Variants in TANC1 observed in about 807,000 individuals in gnomAD.
TANC1 encodes the protein protein TANC1.
A neutral mutation model predicts 149.7 loss-of-function variants in TANC1; 77 were observed. The ratio of observed to expected loss-of-function variants is 0.51; its 90% confidence interval spans 0.43 to 0.62. The LOEUF (loss-of-function observed/expected upper bound fraction) is 0.62, where lower values mean the gene tolerates loss of function less well. Ranked by LOEUF, TANC1 falls within the 20% of genes least tolerant of loss-of-function variation. The pLI, the probability that TANC1 is intolerant of heterozygous loss-of-function variation, is 0.00. For synonymous variants in TANC1, 854 were observed against 925.0 expected, an observed-to-expected ratio of 0.92 and a Z score of 1.39; for missense variants, 1,985 against 2,321.8, an observed-to-expected ratio of 0.85 and a Z score of 2.98.
At chr2:159,015,609 G>C (rs904412190) in intron 2 of TANC1, among the ~76,000 whole-genome samples, 1 of 152,168 alleles carries the variant, frequency 6.6e-6, no homozygotes. Flanking sequence ...TCTGAACTTA[G>C]ATGCTCTGCT....
In TANC1 at chr2:159,230,560, G is replaced by A. The variant is rs767158516; in HGVS notation, c.5134G>A (p.Gly1712Ser). 47 of 1,614,078 alleles carry A rather than the reference G, an allele frequency of 2.9e-5. No individual in the cohort carries two copies. The highest frequency in any genetic ancestry group is 5.0e-5 in the Admixed American group (3 of 60,012). Reference protein sequence around the residue: ...KDKVVTHVQSGTAEHRPRNTP... With the variant: ...KDKVVTHVQSSTAEHRPRNTP... ...CAAGGTTGTAACCCACGTTCAGAGC[G>A]GTACAGCTGAGCACAGACCCCGCAA... The change falls in exon 27 of 27, where the codon GGT becomes AGT. Residue 1712 changes from glycine to serine, a missense_variant. Gly to Ser is a moderately conservative substitution (Grantham distance 56). This residue lies in a region of TANC1 where 920 missense variants were observed against 994.7 expected (regional missense o/e 0.92). Transcript: ENST00000263635. This position sits in a 1 kb window ranked among gnomAD's most constrained non-coding sequence, Gnocchi z 4.4.
intron 14 of TANC1, among the ~76,000 whole-genome samples, chr2:159,180,019 G>GC (rs1575120026): frequency 6.6e-6 from 1 of 152,156 alleles, no homozygotes; most frequent in Non-Finnish European, 1.5e-5. Context: ...GACCCCTTAG[G>GC]CATTTGACCA....
chr2:159,170,317 A>G (rs1052276871), intron 9 of TANC1, among the ~76,000 whole-genome samples: 2 of 152,148 alleles, frequency 1.3e-5, no homozygotes, highest in Non-Finnish European at 2.9e-5. Context: ...AGGACACTCT[A>G]GTTTCCTATT....
At chr2:159,172,330 C>T in intron 11 of TANC1, 58 bp downstream of exon 11, 1 of 1,552,806 alleles carries the variant, frequency 6.4e-7, no homozygotes, top group Non-Finnish European at 8.8e-7. Flanking sequence ...GGTTTGGTTT[C>T]TGAGAAGTAG....
intron 3 of TANC1, among the ~76,000 whole-genome samples, chr2:159,079,722 A>C (rs977622292): frequency 1.2e-4 from 19 of 152,246 alleles, no homozygotes; most frequent in African/African-American, 4.6e-4. Context: ...GGACTCAGAC[A>C]GTGCCACTTA....
chr2:159,150,000 A>G (rs1189864379), intron 6 of TANC1: 1 of 186,434 alleles, frequency 5.4e-6, no homozygotes, highest in East Asian at 1.6e-4. Flanking sequence ...TCTTCCGTAC[A>G]GAGGTCAAAT....
chr2:159,107,570 T>C (rs540038688), intron 4 of TANC1, among the ~76,000 whole-genome samples: 1 of 152,302 alleles, frequency 6.6e-6, no homozygotes, highest in East Asian at 1.9e-4. Context: ...GGATACCAGT[T>C]GTCCTGGCAC....
chr2:159,221,311 G>C (rs547551585), intron 22 of TANC1, among the ~76,000 whole-genome samples: 37 of 152,304 alleles, frequency 2.4e-4, no homozygotes, highest in Middle Eastern at 3.4e-3. Context: ...AACCCGGGAG[G>C]TGGAGGCTGC....
At chr2:159,008,944 A>G (rs992265231) in intron 2 of TANC1, among the ~76,000 whole-genome samples, 6 of 152,118 alleles carry the variant, frequency 3.9e-5, no homozygotes, top group Non-Finnish European at 8.8e-5. Flanking sequence ...ATGAATTTAA[A>G]TTTATTTGGG....
chr2:159,171,735 T>C (rs2055234942), intron 10 of TANC1, among the ~76,000 whole-genome samples: 1 of 151,586 alleles, frequency 6.6e-6, no homozygotes, highest in African/African-American at 2.4e-5. Context: ...CGGGTGCCTG[T>C]AATCCCAGCT....
intron 3 of TANC1, among the ~76,000 whole-genome samples, chr2:159,070,490 G>A (rs1359954344): frequency 6.6e-6 from 1 of 152,164 alleles, no homozygotes; most frequent in Non-Finnish European, 1.5e-5. Flanking sequence ...GAACAAACGT[G>A]TAATGACATA....
chr2:159,097,509 T>TA lies in TANC1; in HGVS notation c.62-121dup. On this transcript the variant is annotated intron_variant, in intron 3 of 26. Coordinates refer to ENST00000263635, the MANE Select transcript of TANC1 (RefSeq NM_033394.3). ...CAAGAGTAGTGGGGGAAAAGTCATT[T>TA]AAAAAAATTCAATACACACATCTGA... is the stretch of plus-strand genomic sequence containing the variant. 4.0e-6 allele frequency: 3 copies of TA among 747,490 alleles called. No individual in the cohort carries two copies. In the South Asian group the frequency reaches 5.7e-5, roughly 14 times the overall value. The allele number at this position is 747,490 out of a possible 1,614,324, so 46.3% of individuals were successfully genotyped here. A position where few individuals can be genotyped will look rare whatever the true frequency, so the allele number is the denominator to read the frequency against.
chr2:159,190,030 C>T (rs1462693735), intron 16 of TANC1, among the ~76,000 whole-genome samples: 3 of 152,202 alleles, frequency 2.0e-5, no homozygotes, highest in Non-Finnish European at 4.4e-5. Flanking sequence ...GCCCTGAGCA[C>T]ATGCCTTCCA....
rs2060245886 is a variant in TANC1, at chr2:159,229,870, T to C, written c.4444T>C (p.Ser1482Pro). The part of the protein sequence containing the change: ...SPTPRSQPSS[S>P]VPSSYIRNLQ... ...AACTCCCAGGTCCCAGCCATCCTCA[T>C]CTGTCCCTTCCTCATACATCCGAAA... Residue 1482 changes from serine (S) to proline (P), a missense_variant, in exon 27 of 27, where the codon TCT (serine) becomes CCT (proline). Physicochemically the swap from Ser to Pro is moderately conservative, Grantham distance 74. This residue lies in a region of TANC1 where 920 missense variants were observed against 994.7 expected (regional missense o/e 0.92). Transcript: ENST00000263635. 1 of 1,614,120 alleles carries C rather than the reference T, an allele frequency of 6.2e-7. No homozygotes were observed. Among genetic ancestry groups the C allele is most frequent in the Non-Finnish European group, 8.5e-7 (1 of 1,180,022 alleles).
chr2:159,056,127 C>T (rs1373069764), intron 2 of TANC1: 4 of 261,770 alleles, frequency 1.5e-5, no homozygotes, highest in Non-Finnish European at 3.2e-5. Context: ...TGTGGGAACT[C>T]ATCCAGGCAC....
rs773345103 is a variant in TANC1 at position 159,186,967 on chromosome 2, C to A, written c.2685C>A (p.Thr895=). 6.2e-7 allele frequency: 1 copy of A among 1,614,054 alleles called. No individual in the cohort carries two copies. The highest frequency in any genetic ancestry group is 1.7e-5 in the Admixed American group (1 of 60,008). Reference sequence around the variant, plus strand: ...AAGCCCTGTGGATCGGCTACAGCACCGAGGGGCTGTCCGCCGCCCTGGCCT... The same window carrying A: ...AAGCCCTGTGGATCGGCTACAGCACAGAGGGGCTGTCCGCCGCCCTGGCCT... ...HLQALWIGYS[T]EGLSAALASL... Residue 895 remains threonine (T), a synonymous_variant, in exon 16 of 27, where the codon ACC becomes ACA. Coordinates refer to ENST00000263635, the MANE Select transcript of TANC1 (RefSeq NM_033394.3).
intron 1 of TANC1, among the ~76,000 whole-genome samples, chr2:158,979,450 C>T (rs561044588): frequency 2.7e-5 from 4 of 149,992 alleles, no homozygotes; most frequent in Non-Finnish European, 5.9e-5. Context: ...GCTGTGATTA[C>T]AGCACTGCAT....
chr2:159,137,074 G>T (rs2050841486), intron 5 of TANC1, among the ~76,000 whole-genome samples: 1 of 152,156 alleles, frequency 6.6e-6, no homozygotes, highest in African/African-American at 2.4e-5. Context: ...ATGTAAAGGG[G>T]CTTGCTTTAT....
At position 159,229,661 on chromosome 2, in the gene TANC1, G is replaced by A. The variant is rs201882245; in HGVS notation, c.4235G>A (p.Arg1412His). ...CAGGAAGTCAAGAGGCTTCTGGCCC[G>A]CGTAGAAGAGGAGTGCAAACAACTC... is the stretch of plus-strand genomic sequence containing the variant. ...TNQEVKRLLA[R>H]VEEECKQLQR... The change falls in exon 27 of 27, where the codon CGC (arginine) becomes CAC (histidine). Residue 1412 changes from arginine to histidine, a missense_variant. This residue lies in a region of TANC1 where 920 missense variants were observed against 994.7 expected (regional missense o/e 0.92). Coordinates refer to ENST00000263635, the MANE Select transcript of TANC1 (RefSeq NM_033394.3). The A allele has an allele frequency of 4.7e-4, 752 of 1,613,992 alleles. 4 individuals carry two copies. Among genetic ancestry groups the A allele is most frequent in the South Asian group, 2.8e-3 (251 of 91,060 alleles).
Sources: gnomAD v4.1 joint callset for allele counts (sites outside exome capture counted in the v4.1 genomes callset) on GRCh38, gnomAD v4.1.1 for gene constraint, gnomAD v4.1.1 regional missense constraint, Gnocchi (gnomAD v3.1) non-coding constraint, MANE v1.5 for transcripts, NCBI Gene and HGNC (gene_info 2026-07-23, HGNC 2026-07-21) for gene names.